GPC6: variants seen among roughly 807,000 people sequenced by gnomAD.
GPC6 encodes the protein glypican-6.
In GPC6, 14 loss-of-function variants were observed where a neutral mutation model predicts 55.2. The observed-to-expected ratio is 0.25, with a 90% CI of 0.17 to 0.40. The LOEUF (loss-of-function observed/expected upper bound fraction) is 0.40. Among genes scored for constraint, GPC6 ranks in the 10% least tolerant of loss-of-function variants. The probability of loss-of-function intolerance (pLI) is 1.00; values close to 1 mark genes in which losing one functional copy is unlikely to be tolerated. For synonymous variants in GPC6, 278 were observed against 259.6 expected (o/e 1.07, Z -0.68); for missense variants, 641 against 708.5 (o/e 0.90, Z 1.08).
intron 4 of GPC6, among the ~76,000 whole-genome samples, chr13:94,090,238 G>A (rs1885432303): frequency 2.0e-5 from 3 of 152,166 alleles, no homozygotes; most frequent in South Asian, 4.2e-4. Flanking sequence ...GATCTCGTGA[G>A]ACTTACTGTC....
intron 2 of GPC6, among the ~76,000 whole-genome samples, chr13:93,788,597 C>A (rs1202088805): frequency 2.6e-5 from 4 of 151,258 alleles, no homozygotes; most frequent in African/African-American, 7.3e-5. Context: ...TTTGTGTAAA[C>A]CTCCCACTCA....
chr13:93,564,529 A>G (rs1005578533), intron 2 of GPC6, among the ~76,000 whole-genome samples: 7 of 152,318 alleles, frequency 4.6e-5, no homozygotes, highest in East Asian at 1.9e-4. Flanking sequence ...AAATTCAGTT[A>G]TTTACAAGAC....
intron 4 of GPC6, among the ~76,000 whole-genome samples, chr13:94,041,606 C>T (rs1365170750): frequency 6.6e-6 from 1 of 151,834 alleles, no homozygotes; most frequent in East Asian, 1.9e-4. Context: ...TTCTCCTGAA[C>T]ATACACAATC....
At chr13:93,379,275 C>T (rs1307187505) in intron 1 of GPC6, among the ~76,000 whole-genome samples, 4 of 151,958 alleles carry the variant, frequency 2.6e-5, no homozygotes, top group Non-Finnish European at 4.4e-5. Flanking sequence ...TAATATCAGA[C>T]TGAGAATTAT....
intron 2 of GPC6, among the ~76,000 whole-genome samples, chr13:93,679,551 T>C (rs1186264518): frequency 1.3e-5 from 2 of 152,206 alleles, no homozygotes; most frequent in African/African-American, 4.8e-5. Flanking sequence ...CTAAAGGTCA[T>C]CTTGTTATCT....
intron 4 of GPC6, among the ~76,000 whole-genome samples, chr13:94,053,541 CATGGTAGTTCCTTA>C (rs1884028827): frequency 1.3e-5 from 2 of 152,086 alleles, no homozygotes; most frequent in Non-Finnish European, 2.9e-5. Flanking sequence ...TGCAGTGAAC[CATGGTAGTTCCTTA>C]AATCTGACCC....
At chr13:93,800,816 C>G (rs953069009) in intron 2 of GPC6, among the ~76,000 whole-genome samples, 1 of 152,130 alleles carries the variant, frequency 6.6e-6, no homozygotes, top group Non-Finnish European at 1.5e-5. Flanking sequence ...AAATTAGATG[C>G]ACTCATCTCC....
intron 4 of GPC6, among the ~76,000 whole-genome samples, chr13:94,199,311 A>G (rs1456822874): frequency 6.6e-6 from 1 of 152,162 alleles, no homozygotes; most frequent in Admixed American, 6.5e-5. Flanking sequence ...ATTGACCTTG[A>G]CTCAGCTTCT....
intron 2 of GPC6, among the ~76,000 whole-genome samples, chr13:93,693,339 T>G (rs930102475): frequency 7.2e-5 from 11 of 152,136 alleles, no homozygotes; most frequent in Admixed American, 3.9e-4. Flanking sequence ...CAGATGATCA[T>G]CAAACTCTAT....
intron 2 of GPC6, among the ~76,000 whole-genome samples, chr13:93,591,014 A>C (rs866973895): frequency 4.6e-5 from 7 of 152,118 alleles, no homozygotes; most frequent in South Asian, 2.1e-4. Flanking sequence ...TTGGGACATA[A>C]AAATAAAATG....
chr13:94,222,581 C>G (rs1288243755), intron 4 of GPC6, among the ~76,000 whole-genome samples: 1 of 152,008 alleles, frequency 6.6e-6, no homozygotes, highest in East Asian at 1.9e-4. Context: ...AAGGGCAGCT[C>G]CCTGGTTAGA....
intron 1 of GPC6, among the ~76,000 whole-genome samples, chr13:93,440,830 G>A (rs1361736705): frequency 1.3e-5 from 2 of 151,998 alleles, no homozygotes; most frequent in Non-Finnish European, 2.9e-5. Context: ...ATCTCCTAAT[G>A]CTATCCCTCC....
intron 3 of GPC6, among the ~76,000 whole-genome samples, chr13:94,005,865 A>G (rs1355993439): frequency 6.6e-6 from 1 of 152,146 alleles, no homozygotes; most frequent in East Asian, 1.9e-4. Flanking sequence ...GGCATGATTT[A>G]TTTCTGATAA....
At chr13:94,295,020 A>G (rs1306620461) in intron 5 of GPC6, among the ~76,000 whole-genome samples, 1 of 152,196 alleles carries the variant, frequency 6.6e-6, no homozygotes, top group Admixed American at 6.5e-5. Flanking sequence ...ACATGAAAAT[A>G]TAATGCCAGA....
At chr13:93,865,427 G>A (rs1202145058) in intron 3 of GPC6, among the ~76,000 whole-genome samples, 1 of 151,742 alleles carries the variant, frequency 6.6e-6, no homozygotes, top group Non-Finnish European at 1.5e-5. Context: ...GGATTCTGCG[G>A]ATTATGACTT....
intron 4 of GPC6, among the ~76,000 whole-genome samples, chr13:94,280,310 C>A (rs76361815): frequency 0.019 from 2,837 of 152,230 alleles, 92 homozygotes; most frequent in African/African-American, 0.064. Context: ...CCTAAAAGGG[C>A]TGGGACCTTC....
At chr13:93,463,799 C>T (rs532491399) in intron 1 of GPC6, among the ~76,000 whole-genome samples, 20 of 151,708 alleles carry the variant, frequency 1.3e-4, no homozygotes, top group Non-Finnish European at 2.6e-4. Context: ...TCCTCAAGCA[C>T]ACCAACCATG....
chr13:93,698,601 T>C (rs1319732653), intron 2 of GPC6, among the ~76,000 whole-genome samples: 1 of 151,170 alleles, frequency 6.6e-6, no homozygotes, highest in Non-Finnish European at 1.5e-5. Flanking sequence ...TGTCATTTGC[T>C]GGATTGAGTA....
chr13:93,992,058 AC>A lies in GPC6; in HGVS notation c.712-35667del, dbSNP rs536362018. Among the ~76,000 whole-genome samples the A allele has an allele frequency of 2.5e-3, 374 of 151,628 alleles. 1 individual carries two copies. Among genetic ancestry groups the A allele is most frequent in the African/African-American group, 8.7e-3 (361 of 41,378 alleles). ...ATCTTTATGGTATATTTACACATAT[AC>A]CCCTCTTATACATACATAGTTTACA... is the stretch of plus-strand genomic sequence containing the variant. On this transcript the variant is annotated intron_variant, in intron 3 of 8. Coordinates refer to ENST00000377047, the MANE Select transcript of GPC6 (RefSeq NM_005708.5).
Sources: gnomAD v4.1 joint callset for allele counts (sites outside exome capture counted in the v4.1 genomes callset) on GRCh38, gnomAD v4.1.1 for gene constraint, MANE v1.5 for transcripts, NCBI Gene and HGNC (gene_info 2026-07-23, HGNC 2026-07-21) for gene names.